TUBGCP3: variants seen among roughly 807,000 people sequenced by gnomAD.
TUBGCP3 encodes tubulin gamma complex component 3.
Under a neutral mutation model 123.1 loss-of-function variants are expected in TUBGCP3, and 50 were observed. That is an observed-to-expected ratio of 0.41 (90% CI 0.32 to 0.51). The LOEUF (loss-of-function observed/expected upper bound fraction) is 0.51, where lower values mean the gene tolerates loss of function less well. Among genes scored for constraint, TUBGCP3 ranks in the 20% least tolerant of loss-of-function variants. The pLI is 0.36. For synonymous variants in TUBGCP3, 405 were observed against 413.9 expected, an observed-to-expected ratio of 0.98 and a Z score of 0.26; for missense variants, 882 against 1,127.0, an observed-to-expected ratio of 0.78 and a Z score of 3.11.
At chr13:112,599,755 G>C in the TUBGCP3 span, among the ~76,000 whole-genome samples, 1 of 151,838 alleles carries the variant, frequency 6.6e-6, no homozygotes, top group African/African-American at 2.4e-5. Flanking sequence ...TCCTGACCTC[G>C]TGATCCGCCT....
chr13:112,579,776 G>A (rs939471258), intron 1 of TUBGCP3, among the ~76,000 whole-genome samples: 1 of 152,238 alleles, frequency 6.6e-6, no homozygotes, highest in Non-Finnish European at 1.5e-5. Flanking sequence ...AAAAGAGTCT[G>A]GCAACTTCTG....
At chr13:112,529,061 C>A (rs1160945047) in intron 11 of TUBGCP3, among the ~76,000 whole-genome samples, 1 of 152,052 alleles carries the variant, frequency 6.6e-6, no homozygotes, top group Non-Finnish European at 1.5e-5. Context: ...CCATGTTGCC[C>A]AGGCTGGTCT....
chr13:112,603,391 G>A, the TUBGCP3 span: 2 of 152,104 alleles, frequency 1.3e-5, no homozygotes, highest in African/African-American at 4.8e-5. Flanking sequence ...GGTAGATTTT[G>A]TTTTTTTAAA....
chr13:112,585,967 C>T (rs994726177), intron 1 of TUBGCP3, among the ~76,000 whole-genome samples: 2 of 151,832 alleles, frequency 1.3e-5, no homozygotes, highest in South Asian at 4.2e-4. Context: ...TGGCTGGGCG[C>T]GGTGGCTCAC....
intron 1 of TUBGCP3, among the ~76,000 whole-genome samples, chr13:112,574,541 G>A (rs986069342): frequency 1.3e-5 from 2 of 152,236 alleles, no homozygotes; most frequent in Non-Finnish European, 2.9e-5. Flanking sequence ...TCTAAGAAGA[G>A]CACTCTTGGT....
intron 21 of TUBGCP3, among the ~76,000 whole-genome samples, chr13:112,486,865 T>G (rs1012598701): frequency 2.0e-5 from 3 of 152,334 alleles, no homozygotes; most frequent in African/African-American, 7.2e-5. Context: ...TGGAAAGGCC[T>G]CATCTGCAGA....
chr13:112,590,473 G>A (rs1458946035), upstream of TUBGCP3, among the ~76,000 whole-genome samples: 1 of 151,858 alleles, frequency 6.6e-6, no homozygotes, highest in Non-Finnish European at 1.5e-5. Flanking sequence ...TTACCAGAAG[G>A]CCCTTTCGAG....
intron 18 of TUBGCP3, among the ~76,000 whole-genome samples, chr13:112,504,384 A>C (rs562862568): frequency 2.0e-5 from 3 of 151,716 alleles, no homozygotes; most frequent in South Asian, 4.2e-4. Context: ...GCTACTCAGG[A>C]GTCTGAGGCA....
In TUBGCP3 at chr13:112,545,456, T is replaced by A; in HGVS notation, c.1335+243A>T. 4.6e-6 allele frequency: 2 copies of A among 438,036 alleles called. No homozygotes were observed. The highest frequency in any genetic ancestry group is 8.2e-6 in the Non-Finnish European group (2 of 243,334). 27.1% of individuals were successfully genotyped at this position (438,036 alleles called of 1,614,324 possible). The stretch of plus-strand genomic sequence containing the variant: ...GTGCTAGTAAACTCGGACGAGTGAT[T>A]CCACCTTGCTGAGGAATAAACTGGG... On this transcript the variant is annotated intron_variant, in intron 11 of 21. Transcript: ENST00000261965. This position sits in a 1 kb window ranked among gnomAD's most constrained non-coding sequence, Gnocchi z 4.1.
At chr13:112,530,318 T>C (rs1877472790) in intron 11 of TUBGCP3, among the ~76,000 whole-genome samples, 1 of 152,258 alleles carries the variant, frequency 6.6e-6, no homozygotes, top group Non-Finnish European at 1.5e-5. Context: ...AGGGAATATA[T>C]AAATGAATTA....
Position 112,545,590 on chromosome 13 carries a change from T to C in TUBGCP3, c.1335+109A>G. 3.1e-6 allele frequency: 4 copies of C among 1,287,480 alleles called. No individual in the cohort carries two copies. Among genetic ancestry groups the C allele is most frequent in the Non-Finnish European group, 4.4e-6 (4 of 906,224 alleles). 79.8% of individuals were successfully genotyped at this position (1,287,480 alleles called of 1,614,324 possible). ...ATATGGTATTCAATGGAAGTGCAGT[T>C]GCATTCCTGTTAGGAGAACATGGTA... On this transcript the variant is annotated intron_variant, in intron 11 of 21. Coordinates refer to ENST00000261965, the MANE Select transcript of TUBGCP3 (RefSeq NM_006322.6). The surrounding 1 kb of genome is among the most constrained non-coding windows in gnomAD (Gnocchi z 4.1).
At chr13:112,548,627 A>G (rs1879274041) in intron 8 of TUBGCP3, among the ~76,000 whole-genome samples, 1 of 152,250 alleles carries the variant, frequency 6.6e-6, no homozygotes. Context: ...AAGAACTTAA[A>G]CAAATTTACA....
At chr13:112,580,108 G>A (rs540948081) in intron 1 of TUBGCP3, among the ~76,000 whole-genome samples, 49 of 152,256 alleles carry the variant, frequency 3.2e-4, no homozygotes, top group Middle Eastern at 6.8e-3. Flanking sequence ...CTGCATTTAC[G>A]TGAAATTCTA....
the TUBGCP3 span, among the ~76,000 whole-genome samples, chr13:112,601,511 A>G: frequency 0.17 from 25,632 of 152,152 alleles, 3,384 homozygotes; most frequent in African/African-American, 0.36. Flanking sequence ...TGAGGACTGG[A>G]TGAGGTAACG....
rs552632100 is a variant in TUBGCP3, at chr13:112,504,733, C to T, written c.2087-19G>A. ...GAGAACTCTGCAAGGGAAGAGTTGA[C>T]GTCAGAGGTGCAATGCAAGTACACT... On this transcript the variant is annotated intron_variant, in intron 17 of 21. Transcript: ENST00000261965. The T allele has an allele frequency of 1.3e-5, 21 of 1,606,836 alleles. No homozygotes were observed. Among genetic ancestry groups the T allele is most frequent in the African/African-American group, 8.0e-5 (6 of 74,814 alleles).
intron 17 of TUBGCP3, among the ~76,000 whole-genome samples, chr13:112,510,230 G>A (rs1209385523): frequency 3.3e-5 from 5 of 152,132 alleles, no homozygotes; most frequent in Non-Finnish European, 5.9e-5. Context: ...CTCAAACACC[G>A]GCTCTTAAGG....
chr13:112,555,234 T>C (rs947188813), intron 6 of TUBGCP3, among the ~76,000 whole-genome samples: 1 of 152,168 alleles, frequency 6.6e-6, no homozygotes, highest in Admixed American at 6.5e-5. Flanking sequence ...AAACACGACA[T>C]GAATCTGCAG....
At chr13:112,514,648 A>G (rs1410642412) in intron 17 of TUBGCP3, among the ~76,000 whole-genome samples, 1 of 152,230 alleles carries the variant, frequency 6.6e-6, no homozygotes, top group Non-Finnish European at 1.5e-5. Flanking sequence ...TCAACAATAC[A>G]ATCTGGGCTT....
At chr13:112,521,593 G>T in intron 14 of TUBGCP3, 1 of 899,900 alleles carries the variant, frequency 1.1e-6, no homozygotes, top group Non-Finnish European at 1.3e-6. Context: ...TAAAACAATT[G>T]CTTGGGGAGC....
Sources: allele counts gnomAD v4.1 joint callset (sites outside exome capture counted in the v4.1 genomes callset), GRCh38; gene constraint gnomAD v4.1.1; non-coding constraint Gnocchi (gnomAD v3.1); transcripts MANE v1.5; gene names NCBI Gene and HGNC (gene_info 2026-07-23, HGNC 2026-07-21).